Variants in CEP128 observed in about 807,000 individuals in gnomAD.
The protein encoded by CEP128 is centrosomal protein 128, also known as centrosomal protein 128kDa.
A neutral mutation model predicts 156.7 loss-of-function variants in CEP128; 132 were observed. That is an observed-to-expected ratio of 0.84 (90% confidence interval 0.73 to 0.97). The LOEUF is 0.97. Among genes scored for constraint, CEP128 ranks in the 50% least tolerant of loss-of-function variants. The pLI is 0.00. For synonymous variants in CEP128, 469 were observed against 448.9 expected (o/e 1.04, Z -0.57); for missense variants, 1,252 against 1,281.9 (o/e 0.98, Z 0.36).
intron 20 of CEP128, among the ~76,000 whole-genome samples, chr14:80,565,725 T>A (rs1222217968): frequency 1.3e-5 from 2 of 152,186 alleles, no homozygotes; most frequent in Non-Finnish European, 2.9e-5. Flanking sequence ...AAATGGATCA[T>A]TTGTTATCAG....
At chr14:80,609,641 T>C (rs1163473638) in intron 19 of CEP128, among the ~76,000 whole-genome samples, 1 of 152,152 alleles carries the variant, frequency 6.6e-6, no homozygotes, top group Non-Finnish European at 1.5e-5. Flanking sequence ...ATAAAACCCA[T>C]GTCATTGGTG....
At chr14:80,484,950 C>T (rs138853366) in intron 14 of CEP128, among the ~76,000 whole-genome samples, 1,766 of 152,244 alleles carry the variant, frequency 0.012, 18 homozygotes, top group Middle Eastern at 0.051. Flanking sequence ...GTAGAGAAAT[C>T]TGACCTCAAT....
At chr14:80,679,502 C>T (rs1896226201) in intron 19 of CEP128, among the ~76,000 whole-genome samples, 1 of 147,612 alleles carries the variant, frequency 6.8e-6, no homozygotes, top group South Asian at 2.1e-4. Flanking sequence ...CCCACAGTAC[C>T]CTCAGGCTTA....
chr14:80,562,151 C>T (rs1201551688), intron 20 of CEP128, among the ~76,000 whole-genome samples: 3 of 151,926 alleles, frequency 2.0e-5, no homozygotes, highest in Admixed American at 6.6e-5. Context: ...TGGTCTCGAT[C>T]TCCTGACCTC....
chr14:80,926,892 C>T (rs889953239), intron 2 of CEP128, among the ~76,000 whole-genome samples: 3 of 152,354 alleles, frequency 2.0e-5, no homozygotes, highest in African/African-American at 7.2e-5. Context: ...ACTACTACAG[C>T]TGGCATTTGA....
chr14:80,941,470 C>T (rs112034712), intron 1 of CEP128, 111 bp downstream of exon 1: 1 of 152,530 alleles, frequency 6.6e-6, no homozygotes, highest in Non-Finnish European at 1.5e-5. Context: ...CCCCAGATCC[C>T]GCGCCGCTCT....
intron 19 of CEP128, among the ~76,000 whole-genome samples, chr14:80,662,442 T>G (rs1023880476): frequency 6.6e-6 from 1 of 152,154 alleles, no homozygotes; most frequent in Non-Finnish European, 1.5e-5. Context: ...GTTTGAAGAA[T>G]TATTACTCAC....
At chr14:80,950,906 GAAAA>G (rs59969729) in intron 2 of CEP128, among the ~76,000 whole-genome samples, 14 of 115,054 alleles carry the variant, frequency 1.2e-4, no homozygotes, top group African/African-American at 3.3e-4. Context: ...TCCCGAGTAA[GAAAA>G]AAAAAAAAAA....
Position 80,862,868 on chromosome 14 carries a change from T to G in CEP128, c.651A>C (p.Ser217=). 6.2e-7 allele frequency: 1 copy of G among 1,611,950 alleles called. No homozygotes were observed. The highest frequency in any genetic ancestry group is 8.5e-7 in the Non-Finnish European group (1 of 1,178,136). ...LNEAQKQEVV[S]DRVERRLQEL... The stretch of plus-strand genomic sequence containing the variant: ...CCTGAAGCCGCCGCTCCACCCGATC[T>G]GAAACCTTAATAAGAATTCAGAGAA... Residue 217 remains serine (S), a synonymous_variant, in exon 9 of 25, where the codon TCA becomes TCC. Transcript: ENST00000555265.
chr14:80,827,245 T>C (rs1885529575), intron 13 of CEP128, among the ~76,000 whole-genome samples: 1 of 152,164 alleles, frequency 6.6e-6, no homozygotes, highest in Admixed American at 6.5e-5. Context: ...AGAAAAAACA[T>C]AAATTTTTTA....
chr14:80,928,827 C>T (rs1302324365), intron 2 of CEP128, among the ~76,000 whole-genome samples: 1 of 151,690 alleles, frequency 6.6e-6, no homozygotes, highest in South Asian at 2.1e-4. Context: ...GCCTAGGCAA[C>T]AAATTTATGA....
At position 80,629,014 on chromosome 14, in the gene CEP128, C is replaced by A. The variant is rs189747300; in HGVS notation, c.2807-48591G>T. On this transcript the variant is annotated intron_variant, in intron 19 of 24. Transcript: ENST00000555265. ...TTTTTAGTTCCTAAGTGAATAAATACCTCCCTTACTCTCCCTTTTTAAACT... is the reference window on the plus strand; with the variant it reads ...TTTTTAGTTCCTAAGTGAATAAATAACTCCCTTACTCTCCCTTTTTAAACT... Among the ~76,000 whole-genome samples, 8 of 150,604 alleles carry A rather than the reference C, an allele frequency of 5.3e-5. No individual in the cohort carries two copies. In the East Asian group the frequency reaches 1.6e-3, roughly 30 times the overall value.
intron 20 of CEP128, among the ~76,000 whole-genome samples, chr14:80,569,470 C>T (rs1478729248): frequency 1.3e-5 from 2 of 152,026 alleles, no homozygotes; most frequent in Admixed American, 6.6e-5. Context: ...CAGTTTTCGC[C>T]GGTAATGACA....
intron 13 of CEP128, among the ~76,000 whole-genome samples, chr14:80,799,223 C>T (rs1681689460): frequency 6.6e-6 from 1 of 152,156 alleles, no homozygotes; most frequent in African/African-American, 2.4e-5. Flanking sequence ...CTGGCTGGAG[C>T]TGTGGCAGGG....
At position 80,905,986 on chromosome 14, in the gene CEP128, A is replaced by G; in HGVS notation, c.330T>C (p.Ser110=). The part of the protein sequence containing the change: ...GGRSISVTSL[S]ASDLDGGTGS... Reference sequence around the variant, plus strand: ...CAGTGCCACCATCAAGGTCACTTGCACTCAAACTTGTAACAGAAATACTTC... The same window carrying G: ...CAGTGCCACCATCAAGGTCACTTGCGCTCAAACTTGTAACAGAAATACTTC... The change falls in exon 5 of 25, where the codon AGT becomes AGC. Residue 110 remains serine, a synonymous_variant. Transcript: ENST00000555265. The G allele has an allele frequency of 6.2e-7, 1 of 1,613,368 alleles. No individual in the cohort carries two copies. The highest frequency in any genetic ancestry group is 1.1e-5 in the South Asian group (1 of 90,972).
In CEP128 at chr14:80,572,264, G is replaced by T. The variant is rs192777975; in HGVS notation, c.2856+8110C>A. Among the ~76,000 whole-genome samples the T allele has an allele frequency of 3.4e-3, 523 of 152,302 alleles. 4 individuals are homozygous for T. The highest frequency in any genetic ancestry group is 0.012 in the African/African-American group (504 of 41,576). ...GAGATTGGGTGGGGAGATGGCCTTA[G>T]AAGTGAGAACTACAGTTTCTTTTAA... On this transcript the variant is annotated intron_variant, in intron 20 of 24. Transcript: ENST00000555265.
chr14:80,737,440 A>T (rs951324953), intron 19 of CEP128, among the ~76,000 whole-genome samples: 1 of 152,006 alleles, frequency 6.6e-6, no homozygotes, highest in African/African-American at 2.4e-5. Flanking sequence ...AAAGAAAGCA[A>T]CAAGAAAATA....
At chr14:80,661,580 A>G (rs1895405437) in intron 19 of CEP128, among the ~76,000 whole-genome samples, 1 of 152,200 alleles carries the variant, frequency 6.6e-6, no homozygotes, top group Non-Finnish European at 1.5e-5. Flanking sequence ...AATTATTTGT[A>G]AGAACTTCAG....
intron 20 of CEP128, among the ~76,000 whole-genome samples, chr14:80,563,397 G>A (rs1595009826): frequency 6.6e-6 from 1 of 152,130 alleles, no homozygotes; most frequent in African/African-American, 2.4e-5. Flanking sequence ...AATAGACTTT[G>A]AGAGTCTAAT....
Sources: allele counts gnomAD v4.1 joint callset (sites outside exome capture counted in the v4.1 genomes callset), GRCh38; gene constraint gnomAD v4.1.1; transcripts MANE v1.5; gene names NCBI Gene and HGNC (gene_info 2026-07-23, HGNC 2026-07-21).